SFXN2: variants seen among roughly 807,000 people sequenced by gnomAD.
SFXN2 encodes the protein sideroflexin 2, also known as sideroflexin-2.
In SFXN2, 37 loss-of-function variants were observed where a neutral mutation model predicts 41.9. The observed-to-expected ratio is 0.88, with a 90% CI of 0.68 to 1.16. SFXN2 has a LOEUF of 1.16. SFXN2 is among the 50% of genes most tolerant of loss of function. SFXN2 has a pLI of 0.00. For missense variants in SFXN2, 386 were observed against 425.2 expected, an observed-to-expected ratio of 0.91 and a Z score of 0.81; for synonymous variants, 150 against 156.7, an observed-to-expected ratio of 0.96 and a Z score of 0.32.
rs2064802888 is a variant in SFXN2 at position 102,737,884 on chromosome 10, G to T, written c.*122G>T. 1.6e-6 allele frequency: 1 copy of T among 641,784 alleles called. No homozygotes were observed. The highest frequency in any genetic ancestry group is 2.8e-5 in the East Asian group (1 of 35,384). 39.8% of individuals were successfully genotyped at this position (641,784 alleles called of 1,614,324 possible). A position where few individuals can be genotyped will look rare whatever the true frequency, so the allele number is the denominator to read the frequency against. ...GCCTGAAGGCCAGGGTAGATTGGGG[G>T]GTGGGACAATGAATGCCTCATACTT... On this transcript the variant is annotated 3_prime_UTR_variant, in exon 12 of 12. Transcript: ENST00000369893.
At chr10:102,722,809 A>G (rs1021081169) in intron 1 of SFXN2, among the ~76,000 whole-genome samples, 19 of 151,688 alleles carry the variant, frequency 1.3e-4, no homozygotes, top group Non-Finnish European at 2.7e-4. Context: ...TTGGCCTGCC[A>G]AAGTGCTGGG....
At chr10:102,735,473 T>C (rs1253306875) in intron 10 of SFXN2, among the ~76,000 whole-genome samples, 2 of 146,572 alleles carry the variant, frequency 1.4e-5, no homozygotes, top group East Asian at 4.3e-4. Context: ...CTCCCCTCCA[T>C]GTCGCTCTTC....
chr10:102,737,622 G>A (rs1185363657), intron 11 of SFXN2, 41 bp from the exon 12 acceptor site: 1 of 1,356,796 alleles, frequency 7.4e-7, no homozygotes, highest in African/African-American at 1.4e-5. Context: ...CTTACTGCTT[G>A]TTCCTGGTGG....
chr10:102,737,604 G>A, intron 11 of SFXN2, 59 bp from the exon 12 acceptor site: 1 of 1,112,056 alleles, frequency 9.0e-7, no homozygotes, highest in Non-Finnish European at 1.4e-6. Flanking sequence ...ATATTCATCT[G>A]AGGGTAACTT....
chr10:102,727,170 G>A lies in SFXN2; in HGVS notation c.332+13G>A, dbSNP rs1412287810. 1.9e-6 allele frequency: 3 copies of A among 1,588,578 alleles called. No homozygotes were observed. The highest frequency in any genetic ancestry group is 2.7e-5 in the African/African-American group (2 of 74,464). ...TCCAGTTCTACAGGTGGGACCTGGG[G>A]GCAGGGCCGTGGGAGGTACAGCTGC... On this transcript the variant is annotated intron_variant, in intron 3 of 11. Coordinates refer to ENST00000369893, the MANE Select transcript of SFXN2 (RefSeq NM_178858.6).
chr10:102,721,485 TTA>T (rs1346451904), intron 1 of SFXN2, among the ~76,000 whole-genome samples: 13 of 147,864 alleles, frequency 8.8e-5, no homozygotes, highest in South Asian at 2.1e-4. Context: ...TATGAATTAT[TTA>T]TGTTTATATA....
At position 102,724,369 on chromosome 10, in the gene SFXN2, T is replaced by TA. The variant is rs567242321; in HGVS notation, c.-25-2242dup. Among the ~76,000 whole-genome samples the TA allele has an allele frequency of 2.4e-4, 37 of 152,212 alleles. 1 individual carries two copies. The highest frequency in any genetic ancestry group is 2.1e-4 in the South Asian group (1 of 4,828). On this transcript the variant is annotated intron_variant, in intron 1 of 11. Transcript: ENST00000369893. Reference sequence around the variant, plus strand: ...CATCCAAGACTTTCTTCATCTTTGTTACAGTATTTTTGATTTCCAACATTT... The same window carrying TA: ...CATCCAAGACTTTCTTCATCTTTGTTAACAGTATTTTTGATTTCCAACATTT...
chr10:102,727,002 C>T lies in SFXN2; in HGVS notation c.177C>T (p.Pro59=), dbSNP rs752147303. Residue 59 remains proline (P), a synonymous_variant, in exon 3 of 12, where the codon CCC becomes CCT. Coordinates refer to ENST00000369893, the MANE Select transcript of SFXN2 (RefSeq NM_178858.6). ...TGGGTGGCAGGATGGGGGTTGTGCC[C>T]CCAGGCACCCAAGTGGAGCAGCTGC... ...MVEKSRMGVV[P]PGTQVEQLLY... The T allele has an allele frequency of 5.0e-6, 8 of 1,599,042 alleles. No homozygotes were observed. The South Asian group carries it at 8.8e-5, about 18-fold the overall frequency.
rs1185380796 is a variant in SFXN2 at position 102,740,754 on chromosome 10, G to A, written c.*2992G>A. 1 of 152,152 alleles carries A rather than the reference G, an allele frequency of 6.6e-6. No individual in the cohort carries two copies. The highest frequency in any genetic ancestry group is 1.5e-5 in the Non-Finnish European group (1 of 68,038). The allele number at this position is 152,152 out of a possible 1,614,324, so 9.4% of individuals were successfully genotyped here. On this transcript the variant is annotated 3_prime_UTR_variant, in exon 12 of 12. Transcript: ENST00000369893. ...TTGTAGCATATGCAATTTGATTTTA[G>A]CTGGTGTCTGAACAGAAAAGTCTGT...
rs1416725190 is a variant in SFXN2 at position 102,729,840 on chromosome 10, C to G, written c.593+32C>G. ...AAAGGCCCCTTTTTCTCCCTACAAA[C>G]CACAAGATTAGCAGAAAAGGGGCAA... is the stretch of plus-strand genomic sequence containing the variant. On this transcript the variant is annotated intron_variant, in intron 6 of 11. Transcript: ENST00000369893. 1.9e-6 allele frequency: 3 copies of G among 1,610,034 alleles called. No homozygotes were observed. In the African/African-American group the frequency reaches 4.0e-5, roughly 22 times the overall value.
intron 1 of SFXN2, among the ~76,000 whole-genome samples, chr10:102,723,786 C>T (rs915123211): frequency 4.6e-5 from 7 of 152,112 alleles, no homozygotes; most frequent in African/African-American, 1.7e-4. Context: ...AGTCCAAGCC[C>T]TTCTATTAGT....
intron 1 of SFXN2, among the ~76,000 whole-genome samples, chr10:102,724,719 C>T (rs2064564290): frequency 6.6e-6 from 1 of 151,864 alleles, no homozygotes; most frequent in South Asian, 2.1e-4. Flanking sequence ...AAAGATTTTC[C>T]ATCACTGCTT....
At chr10:102,730,045 G>C (rs1425534609) in intron 6 of SFXN2, among the ~76,000 whole-genome samples, 1 of 152,194 alleles carries the variant, frequency 6.6e-6, no homozygotes. Flanking sequence ...GGTGATGTGG[G>C]ATGGGAAAGA....
chr10:102,726,712 C>T lies in SFXN2; in HGVS notation c.76C>T (p.His26Tyr), dbSNP rs1443779880. 2.5e-6 allele frequency: 4 copies of T among 1,614,190 alleles called. No homozygotes were observed. The Admixed American group carries it at 6.7e-5, about 27-fold the overall frequency. The change falls in exon 2 of 12, where the codon CAC becomes TAC. Residue 26 changes from histidine to tyrosine, a missense_variant. Transcript: ENST00000369893. ...DQRTFLGRVK[H>Y]FLNITDPRTV... Reference sequence around the variant, plus strand: ...GCGCACCTTCCTGGGGAGAGTGAAGCACTTCCTAAACATCACGGACCCCCG... The same window carrying T: ...GCGCACCTTCCTGGGGAGAGTGAAGTACTTCCTAAACATCACGGACCCCCG...
intron 1 of SFXN2, among the ~76,000 whole-genome samples, chr10:102,725,928 T>C (rs2064585625): frequency 6.6e-6 from 1 of 152,058 alleles, no homozygotes; most frequent in Non-Finnish European, 1.5e-5. Context: ...TTGGGTGTTT[T>C]TTTGTTTGTT....
chr10:102,731,545 C>T (rs2064704136), intron 6 of SFXN2, among the ~76,000 whole-genome samples, 178 bp from the exon 7 acceptor site: 1 of 152,128 alleles, frequency 6.6e-6, no homozygotes, highest in Admixed American at 6.5e-5. Flanking sequence ...TCAGCCACTG[C>T]CCTAGATCAC....
chr10:102,723,265 T>G (rs934284181), intron 1 of SFXN2, among the ~76,000 whole-genome samples: 2 of 149,994 alleles, frequency 1.3e-5, no homozygotes, highest in African/African-American at 2.5e-5. Context: ...TTTTGTTTTT[T>G]TTTTTTGACA....
intron 8 of SFXN2, among the ~76,000 whole-genome samples, chr10:102,732,560 C>T (rs923144743): frequency 8.5e-5 from 13 of 152,170 alleles, no homozygotes; most frequent in Non-Finnish European, 1.3e-4. Flanking sequence ...TTTGTTTGCA[C>T]GAACGTACAA....
intron 5 of SFXN2, 124 bp from the exon 6 acceptor site, chr10:102,729,599 G>T: frequency 8.7e-7 from 1 of 1,154,162 alleles, no homozygotes. Context: ...TTCCCAGACT[G>T]GGTGTCTGGA....
Sources: gnomAD v4.1 joint callset for allele counts (sites outside exome capture counted in the v4.1 genomes callset) on GRCh38, gnomAD v4.1.1 for gene constraint, MANE v1.5 for transcripts, NCBI Gene and HGNC (gene_info 2026-07-23, HGNC 2026-07-21) for gene names.